The following RETREG3 variants were observed in gnomAD, a reference collection of about 807,000 sequenced individuals.
The protein encoded by RETREG3 is reticulophagy regulator family member 3.
RETREG3 carries 23 observed loss-of-function variants against 50.2 expected under a neutral mutation model. That is an observed-to-expected ratio of 0.46 (90% CI 0.33 to 0.65). The LOEUF (loss-of-function observed/expected upper bound fraction) is 0.65. Ranked by LOEUF, RETREG3 falls within the 30% of genes least tolerant of loss-of-function variation. The probability of loss-of-function intolerance (pLI) is 0.02; values close to 1 mark genes in which losing one functional copy is unlikely to be tolerated. For synonymous variants in RETREG3, 240 were observed against 234.4 expected (o/e 1.02, Z -0.22); for missense variants, 546 against 598.0 (o/e 0.91, Z 0.91).
chr17:42,582,283 A>G lies in RETREG3; in HGVS notation c.944-13T>C. 1.3e-6 allele frequency: 2 copies of G among 1,592,284 alleles called. No homozygotes were observed. The highest frequency in any genetic ancestry group is 1.7e-6 in the Non-Finnish European group (2 of 1,173,904). On this transcript the variant is annotated splice_polypyrimidine_tract_variant and intron_variant, in intron 8 of 8. Transcript: ENST00000309428. ...TGACCATCTAGGTCTGGTGGAATAC[A>G]GAAGTGTCTGAGTCATGGCACCTAC...
At chr17:42,590,671 G>A (rs2093131283) in intron 2 of RETREG3, among the ~76,000 whole-genome samples, 1 of 151,220 alleles carries the variant, frequency 6.6e-6, no homozygotes, top group South Asian at 2.1e-4. Flanking sequence ...GACTCTGTCT[G>A]AAAAAAAAGA....
At chr17:42,594,685 T>C (rs145791041) in intron 1 of RETREG3, among the ~76,000 whole-genome samples, 285 of 150,490 alleles carry the variant, frequency 1.9e-3, no homozygotes, top group African/African-American at 6.5e-3. Context: ...CTACTAAAAA[T>C]ACAAAAAATA....
In RETREG3 at chr17:42,586,905, A is replaced by C. The variant is rs1428013221; in HGVS notation, c.378-14T>G. The C allele has an allele frequency of 6.2e-7, 1 of 1,612,266 alleles. No homozygotes were observed. The highest frequency in any genetic ancestry group is 8.5e-7 in the Non-Finnish European group (1 of 1,179,434). On this transcript the variant is annotated splice_polypyrimidine_tract_variant and intron_variant, in intron 3 of 8. Transcript: ENST00000309428. ...ACAAAGCCCCAGCTATGGGAGAGAG[A>C]AGGGGGAGCTGTGAAAGGAGGGTGT...
chr17:42,609,292 T>G lies in RETREG3; in HGVS notation c.33A>C (p.Pro11=). 2 of 1,602,598 alleles carry G rather than the reference T, an allele frequency of 1.2e-6. No individual in the cohort carries two copies. The highest frequency in any genetic ancestry group is 8.5e-7 in the Non-Finnish European group (1 of 1,179,660). Residue 11 remains proline (P), a synonymous_variant, in exon 1 of 9, where the codon CCA becomes CCC. Coordinates refer to ENST00000309428, the MANE Select transcript of RETREG3 (RefSeq NM_178126.4). Reference sequence around the variant, plus strand: ...TGAAAGTCGACCCCGAAGCCGGGCCTGGGGTCGTGGGAACCCCTTCGGCCT... The same window carrying G: ...TGAAAGTCGACCCCGAAGCCGGGCCGGGGGTCGTGGGAACCCCTTCGGCCT... The part of the protein sequence containing the change: MAEAEGVPTT[P]GPASGSTFRG...
At position 42,581,993 on chromosome 17, in the gene RETREG3, C is replaced by T. The variant is rs765814905; in HGVS notation, c.1221G>A (p.Gln407=). The T allele has an allele frequency of 6.2e-7, 1 of 1,614,138 alleles. No individual in the cohort carries two copies. Among genetic ancestry groups the T allele is most frequent in the South Asian group, 1.1e-5 (1 of 91,082 alleles). Residue 407 remains glutamine, a synonymous_variant, in exon 9 of 9, where the codon CAG becomes CAA. Transcript: ENST00000309428. ...LASLVSQGMI[Q]LALSGASQPG... is the part of the protein sequence containing the mutation. ...GTTGGGAGGCCCCTGACAAGGCCAGCTGAATCATACCCTGGGAGACCAGGC... is the reference window on the plus strand; with the variant it reads ...GTTGGGAGGCCCCTGACAAGGCCAGTTGAATCATACCCTGGGAGACCAGGC...
chr17:42,585,087 AATTGC>A, intron 6 of RETREG3, 33 bp downstream of exon 6: 1 of 1,603,668 alleles, frequency 6.2e-7, no homozygotes, highest in Non-Finnish European at 8.5e-7. Context: ...TTTCGCCCCA[AATTGC>A]GTAAGTGGAA....
intron 1 of RETREG3, among the ~76,000 whole-genome samples, chr17:42,596,827 T>C (rs1052772614): frequency 6.6e-6 from 1 of 152,040 alleles, no homozygotes. Flanking sequence ...GGGTCAACTC[T>C]AGTTCTTTGA....
intron 4 of RETREG3, 85 bp from the exon 5 acceptor site, chr17:42,586,222 A>C: frequency 7.9e-7 from 1 of 1,267,876 alleles, no homozygotes; most frequent in Non-Finnish European, 1.1e-6. Flanking sequence ...GAGATATGAC[A>C]GAAAGACTCT....
chr17:42,601,468 G>C (rs752318068), intron 1 of RETREG3, among the ~76,000 whole-genome samples: 1 of 149,314 alleles, frequency 6.7e-6, no homozygotes, highest in Non-Finnish European at 1.5e-5. Flanking sequence ...AGCTACTCGG[G>C]AGGCTGAGGC....
At chr17:42,590,275 G>A (rs1597735500) in intron 2 of RETREG3, among the ~76,000 whole-genome samples, 1 of 152,290 alleles carries the variant, frequency 6.6e-6, no homozygotes, top group Non-Finnish European at 1.5e-5. Context: ...GGAGACTGAG[G>A]TGGGAGGATC....
intron 2 of RETREG3, among the ~76,000 whole-genome samples, chr17:42,591,678 C>A (rs1375499227): frequency 2.0e-5 from 3 of 152,110 alleles, no homozygotes; most frequent in Admixed American, 2.0e-4. Flanking sequence ...AATTGCCTAG[C>A]CTAGTGTTTT....
Position 42,593,062 on chromosome 17 carries a change from A to AT in RETREG3, c.240-901_240-900insA, listed in dbSNP as rs747885898. Among the ~76,000 whole-genome samples the AT allele has an allele frequency of 2.0e-5, 3 of 152,296 alleles. No individual in the cohort carries two copies. The South Asian group carries it at 6.2e-4, about 32-fold the overall frequency. On this transcript the variant is annotated intron_variant, in intron 1 of 8. Coordinates refer to ENST00000309428, the MANE Select transcript of RETREG3 (RefSeq NM_178126.4). ...TCTCAAACTCTTCCAAAAAACCAAA[A>AT]AAAGGAAACACTTCTTGATTTATTT...
In RETREG3 at chr17:42,596,359, CAAAAAAAAAAAAAAAAAAAAAAAAAAA is replaced by C. The variant is rs60457978; in HGVS notation, c.240-4224_240-4198del. ...GGCTGACAAATCTGAGACCCTTTCT[CAAAAAAAAAAAAAAAAAAAAAAAAAAA>C]AAAAAAAAAAAAAGAAATAAAAATG... On this transcript the variant is annotated intron_variant, in intron 1 of 8. Transcript: ENST00000309428. 2.4e-3 allele frequency among the ~76,000 whole-genome samples: 157 copies of C among 64,714 alleles called. 4 individuals carry two copies. The highest frequency in any genetic ancestry group is 9.5e-3 in the African/African-American group (144 of 15,104). The allele number at this position is 64,714 out of a possible 152,430, so 42.5% of individuals were successfully genotyped here. A position where few individuals can be genotyped will look rare whatever the true frequency, so the allele number is the denominator to read the frequency against.
At chr17:42,592,712 G>C (rs910813543) in intron 1 of RETREG3, among the ~76,000 whole-genome samples, 7 of 152,186 alleles carry the variant, frequency 4.6e-5, no homozygotes, top group Non-Finnish European at 8.8e-5. Flanking sequence ...AGCACTTTGG[G>C]AGGCTGAGAC....
At chr17:42,597,190 TC>T (rs1474189950) in intron 1 of RETREG3, among the ~76,000 whole-genome samples, 1 of 137,302 alleles carries the variant, frequency 7.3e-6, no homozygotes, top group Non-Finnish European at 1.6e-5. Context: ...ATCTATTTTT[TC>T]TTTTTTTTTT....
At chr17:42,587,695 T>G in intron 3 of RETREG3, 139 bp downstream of exon 3, 1 of 964,250 alleles carries the variant, frequency 1.0e-6, no homozygotes, top group Non-Finnish European at 1.6e-6. Flanking sequence ...CTTTAGGATG[T>G]GTTAAAATGA....
intron 1 of RETREG3, among the ~76,000 whole-genome samples, chr17:42,593,543 G>C (rs1484213557): frequency 6.6e-6 from 1 of 151,672 alleles, no homozygotes; most frequent in Non-Finnish European, 1.5e-5. Context: ...CCAGCTGCTC[G>C]GGAGGCTGAG....
At chr17:42,588,305 G>A (rs1456558125) in intron 2 of RETREG3, among the ~76,000 whole-genome samples, 2 of 152,190 alleles carry the variant, frequency 1.3e-5, no homozygotes, top group Non-Finnish European at 2.9e-5. Flanking sequence ...TGCCCAGCCT[G>A]GAGTGCAGTG....
rs2093120750 is a variant in RETREG3 at position 42,586,108 on chromosome 17, G to C, written c.534C>G (p.Thr178=). Residue 178 remains threonine, a synonymous_variant, in exon 5 of 9, where the codon ACC becomes ACG. Coordinates refer to ENST00000309428, the MANE Select transcript of RETREG3 (RefSeq NM_178126.4). ...KFCLLSCGIL[T]FLAVLGRYVP... is the part of the protein sequence containing the mutation. ...CGTAGCGGCCCAAGACAGCCAAAAA[G>C]GTCAGTATCCCACAGCTCAGCAAGC... 6.2e-7 allele frequency: 1 copy of C among 1,613,950 alleles called. No individual in the cohort carries two copies. The highest frequency in any genetic ancestry group is 1.3e-5 in the African/African-American group (1 of 74,880).
Sources: gnomAD v4.1 joint callset for allele counts (sites outside exome capture counted in the v4.1 genomes callset) on GRCh38, gnomAD v4.1.1 for gene constraint, MANE v1.5 for transcripts, NCBI Gene and HGNC (gene_info 2026-07-23, HGNC 2026-07-21) for gene names.